DHX9: variants seen among roughly 807,000 people sequenced by gnomAD.
The protein encoded by DHX9 is ATP-dependent RNA helicase A.
In DHX9, 27 loss-of-function variants were observed where a neutral mutation model predicts 148.7. The ratio of observed to expected loss-of-function variants is 0.18; its 90% CI spans 0.13 to 0.25. The LOEUF is 0.25. DHX9 is among the 10% of genes least tolerant of loss of function. The pLI is 1.00. For synonymous variants in DHX9, 529 were observed against 516.6 expected, an observed-to-expected ratio of 1.02 and a Z score of -0.33; for missense variants, 796 against 1,559.6, an observed-to-expected ratio of 0.51 and a Z score of 8.25.
chr1:182,847,156 C>T (rs1034694658), intron 3 of DHX9, among the ~76,000 whole-genome samples: 5 of 152,114 alleles, frequency 3.3e-5, no homozygotes, highest in Admixed American at 3.3e-4. Flanking sequence ...AAGCTTAATT[C>T]TAATAGCTGC....
intron 24 of DHX9, 133 bp from the exon 25 acceptor site, chr1:182,883,006 G>A: frequency 1.5e-6 from 1 of 649,392 alleles, no homozygotes; most frequent in Non-Finnish European, 2.7e-6. Flanking sequence ...TCTGAGAAGA[G>A]AAAGTTTTAC....
At chr1:182,849,436 A>G (rs1361483842) in intron 3 of DHX9, among the ~76,000 whole-genome samples, 1 of 152,220 alleles carries the variant, frequency 6.6e-6, no homozygotes, top group Non-Finnish European at 1.5e-5. Flanking sequence ...TCAAACCTAA[A>G]AGAAAAATTT....
At chr1:182,886,184 AATTTATTTATTT>A (rs144933520) in intron 27 of DHX9, among the ~76,000 whole-genome samples, 3 of 149,538 alleles carry the variant, frequency 2.0e-5, no homozygotes, top group Admixed American at 6.6e-5. Flanking sequence ...TTTTTTTTTA[AATTTATTTATTT>A]ATTTATTTAT....
rs780567860 is a variant in DHX9, at chr1:182,852,218, C to T, written c.253-15C>T. On this transcript the variant is annotated splice_polypyrimidine_tract_variant and intron_variant, in intron 3 of 27. Coordinates refer to ENST00000367549, the MANE Select transcript of DHX9 (RefSeq NM_001357.5). Reference sequence around the variant, plus strand: ...GCAAAAGCACTGACAGCTGCCTTGACTTTTTCTTTTGCAGGTAGCATCTCC... The same window carrying T: ...GCAAAAGCACTGACAGCTGCCTTGATTTTTTCTTTTGCAGGTAGCATCTCC... The T allele has an allele frequency of 2.5e-6, 4 of 1,584,700 alleles. No homozygotes were observed. The highest frequency in any genetic ancestry group is 3.4e-6 in the Non-Finnish European group (4 of 1,163,456).
rs1648686701 is a variant in DHX9 at position 182,874,721 on chromosome 1, C to T, written c.1715-133C>T. Reference sequence around the variant, plus strand: ...GAAAATAAGGTTATTGCTACTGGAACTTTTTGGCATTTGTGAAGAATCAGA... The same window carrying T: ...GAAAATAAGGTTATTGCTACTGGAATTTTTTGGCATTTGTGAAGAATCAGA... On this transcript the variant is annotated intron_variant, in intron 15 of 27. Transcript: ENST00000367549. 1.4e-5 allele frequency: 10 copies of T among 697,764 alleles called. No individual in the cohort carries two copies. In the South Asian group the frequency reaches 1.7e-4, roughly 12 times the overall value. 43.2% of individuals were successfully genotyped at this position (697,764 alleles called of 1,614,324 possible).
At chr1:182,872,780 A>G (rs1176497096) in intron 15 of DHX9, among the ~76,000 whole-genome samples, 3 of 152,224 alleles carry the variant, frequency 2.0e-5, no homozygotes, top group South Asian at 2.1e-4. Flanking sequence ...ATTATAAAGT[A>G]TAGTCAAAGG....
chr1:182,876,391 G>A, intron 17 of DHX9, 56 bp from the exon 18 acceptor site: 1 of 1,573,370 alleles, frequency 6.4e-7, no homozygotes, highest in Non-Finnish European at 8.7e-7. Context: ...ATAATGGAGA[G>A]CTGTTTGAAA....
At chr1:182,884,947 G>GA in intron 27 of DHX9, 134 bp downstream of exon 27, 1 of 768,356 alleles carries the variant, frequency 1.3e-6, no homozygotes, top group Non-Finnish European at 2.1e-6. Flanking sequence ...TATATAGATA[G>GA]AGAGTTTGAT....
intron 14 of DHX9, among the ~76,000 whole-genome samples, chr1:182,870,226 T>A (rs1648500972): frequency 6.6e-6 from 1 of 152,236 alleles, no homozygotes; most frequent in African/African-American, 2.4e-5. Context: ...TTTAATAGCA[T>A]ATCAATTATT....
chr1:182,864,238 C>T (rs766138981), intron 12 of DHX9, among the ~76,000 whole-genome samples: 1 of 152,186 alleles, frequency 6.6e-6, no homozygotes, highest in Non-Finnish European at 1.5e-5. Context: ...AGGCCTCTAT[C>T]ACCTGACCTA....
intron 3 of DHX9, among the ~76,000 whole-genome samples, chr1:182,848,135 C>T (rs959379239): frequency 6.6e-6 from 1 of 151,598 alleles, no homozygotes; most frequent in African/African-American, 2.4e-5. Context: ...AAGGACTCTT[C>T]CCCAGCTGTC....
chr1:182,847,655 C>T (rs1668057312), intron 3 of DHX9, among the ~76,000 whole-genome samples: 1 of 152,182 alleles, frequency 6.6e-6, no homozygotes, highest in African/African-American at 2.4e-5. Flanking sequence ...TTTGCTTTCC[C>T]TGAACTCTAA....
chr1:182,856,153 G>A (rs11807915), intron 6 of DHX9, among the ~76,000 whole-genome samples: 1,825 of 152,258 alleles, frequency 0.012, 32 homozygotes, highest in African/African-American at 0.038. Flanking sequence ...AATTATAACC[G>A]TAATGTAAAA....
At chr1:182,875,978 A>G in intron 16 of DHX9, 72 bp from the exon 17 acceptor site, 4 of 1,162,234 alleles carry the variant, frequency 3.4e-6, no homozygotes, top group Admixed American at 2.0e-5. Flanking sequence ...TAGAGTCACT[A>G]GAAGAAATCT....
At chr1:182,844,860 A>T (rs896058821) in intron 3 of DHX9, among the ~76,000 whole-genome samples, 9 of 152,004 alleles carry the variant, frequency 5.9e-5, no homozygotes, top group African/African-American at 1.9e-4. Flanking sequence ...ACAGATTTTC[A>T]CCATGTTGGC....
rs977655927 is a variant in DHX9 at position 182,861,303 on chromosome 1, T to C, written c.1332+1119T>C. On this transcript the variant is annotated intron_variant, in intron 12 of 27. Transcript: ENST00000367549. ...TTTTTCTGGGAAAGGATTCCTAGCT[T>C]GTTCACAAAATTTTCTTTGATTTTC... 9.2e-5 allele frequency among the ~76,000 whole-genome samples: 14 copies of C among 152,150 alleles called. 1 individual carries two copies. The highest frequency in any genetic ancestry group is 7.9e-4 in the Admixed American group (12 of 15,280).
chr1:182,852,089 T>C, intron 3 of DHX9, 144 bp from the exon 4 acceptor site: 2 of 556,996 alleles, frequency 3.6e-6, no homozygotes, highest in Non-Finnish European at 6.4e-6. Flanking sequence ...GATGCACTGC[T>C]CTAGAGACTT....
At chr1:182,866,419 T>G in intron 12 of DHX9, 25 bp from the exon 13 acceptor site, 2 of 1,610,312 alleles carry the variant, frequency 1.2e-6, no homozygotes, top group Non-Finnish European at 1.7e-6. Flanking sequence ...AGTTGTTAAG[T>G]CACTTTTCTT....
intron 20 of DHX9, among the ~76,000 whole-genome samples, chr1:182,878,577 T>C (rs1303079616): frequency 2.0e-5 from 3 of 152,240 alleles, no homozygotes; most frequent in Non-Finnish European, 4.4e-5. Context: ...GAACAGTGTA[T>C]GGCACATCAT....
Sources: gnomAD v4.1 joint callset for allele counts (sites outside exome capture counted in the v4.1 genomes callset) on GRCh38, gnomAD v4.1.1 for gene constraint, MANE v1.5 for transcripts, NCBI Gene and HGNC (gene_info 2026-07-23, HGNC 2026-07-21) for gene names.